The following PKHD1L1 variants were observed in gnomAD, a reference collection of about 807,000 sequenced individuals.
PKHD1L1 encodes the protein fibrocystin-L.
A neutral mutation model predicts 462.9 loss-of-function variants in PKHD1L1; 434 were observed. The ratio of observed to expected loss-of-function variants is 0.94; its 90% CI spans 0.87 to 1.02. The LOEUF is 1.02. PKHD1L1 is among the 50% of genes least tolerant of loss of function. The pLI is 0.00. For synonymous variants in PKHD1L1, 1,781 were observed against 1,750.0 expected (o/e 1.02, Z -0.44); for missense variants, 5,202 against 5,096.1 (o/e 1.02, Z -0.63).
intron 2 of PKHD1L1, among the ~76,000 whole-genome samples, chr8:109,372,466 T>A (rs1006286492): frequency 6.6e-6 from 1 of 152,226 alleles, no homozygotes; most frequent in Non-Finnish European, 1.5e-5. Flanking sequence ...ACAATTTGAC[T>A]TCCTCTTTTC....
intron 17 of PKHD1L1, among the ~76,000 whole-genome samples, chr8:109,407,620 T>C (rs1813626928): frequency 6.6e-6 from 1 of 152,166 alleles, no homozygotes; most frequent in South Asian, 2.1e-4. Flanking sequence ...AGAGATTGTT[T>C]CCTGGAATTC....
rs538289649 is a variant in PKHD1L1 at position 109,516,595 on chromosome 8, G to A, written c.11689+1290G>A. 1.2e-3 allele frequency among the ~76,000 whole-genome samples: 181 copies of A among 152,164 alleles called. 2 individuals carry two copies. The highest frequency in any genetic ancestry group is 8.8e-5 in the Non-Finnish European group (6 of 67,994). ...GTCCATAGCAGTCTCAAGCTGGTAT[G>A]GTGCACAGCAAGAACTCAAAAACAG... On this transcript the variant is annotated intron_variant, in intron 72 of 77. Coordinates refer to ENST00000378402, the MANE Select transcript of PKHD1L1 (RefSeq NM_177531.6).
At position 109,438,436 on chromosome 8, in the gene PKHD1L1, C is replaced by T. The variant is rs1452963742; in HGVS notation, c.3740C>T (p.Pro1247Leu). 1 of 1,540,076 alleles carries T rather than the reference C, an allele frequency of 6.5e-7. No homozygotes were observed. The highest frequency in any genetic ancestry group is 2.0e-5 in the Admixed American group (1 of 49,698). The change falls in exon 31 of 78, where the codon CCA (proline) becomes CTA (leucine). Residue 1247 changes from proline to leucine, a missense_variant. Pro to Leu is a moderately conservative substitution (Grantham distance 98). Coordinates refer to ENST00000378402, the MANE Select transcript of PKHD1L1 (RefSeq NM_177531.6). ...ACACCAATTATAACTGATTTTAGTC[C>T]AAAAGTACGAACAATACTAGGTAAG... ...LQTPIITDFS[P>L]KVRTILGEVN...
intron 50 of PKHD1L1, among the ~76,000 whole-genome samples, chr8:109,469,286 T>C (rs1420701781): frequency 1.3e-5 from 2 of 152,106 alleles, no homozygotes; most frequent in Non-Finnish European, 2.9e-5. Context: ...TTACCATTAC[T>C]GGCCCTGAAA....
intron 67 of PKHD1L1, among the ~76,000 whole-genome samples, chr8:109,500,737 T>C (rs1027476545): frequency 6.6e-6 from 1 of 150,430 alleles, no homozygotes; most frequent in Non-Finnish European, 1.5e-5. Flanking sequence ...CCATGACTTC[T>C]GTACTTGCCA....
At position 109,370,832 on chromosome 8, in the gene PKHD1L1, A is replaced by G. The variant is rs556351500; in HGVS notation, c.163+6196A>G. 4.3e-3 allele frequency among the ~76,000 whole-genome samples: 658 copies of G among 152,348 alleles called. 5 individuals are homozygous for G. Among genetic ancestry groups the G allele is most frequent in the African/African-American group, 0.015 (624 of 41,586 alleles). ...CTTCATCCATGTCCCCACAAAGGAC[A>G]TGAACTCATCAATTTTTATGGCTGC... On this transcript the variant is annotated intron_variant, in intron 2 of 77. Transcript: ENST00000378402.
chr8:109,401,375 G>C (rs1479286056), intron 13 of PKHD1L1, 122 bp from the exon 14 acceptor site: 20 of 628,632 alleles, frequency 3.2e-5, no homozygotes. Flanking sequence ...ATATAAAGTA[G>C]TTTTACATTT....
At chr8:109,496,798 G>A in intron 63 of PKHD1L1, 121 bp from the exon 64 acceptor site, 9 of 1,036,724 alleles carry the variant, frequency 8.7e-6, no homozygotes, top group Non-Finnish European at 9.8e-6. Flanking sequence ...TATTAAACCT[G>A]ATATCAGAAT....
At chr8:109,500,520 CAAAAAAAA>C (rs542817713) in intron 67 of PKHD1L1, among the ~76,000 whole-genome samples, 7 of 43,702 alleles carry the variant, frequency 1.6e-4, no homozygotes, top group Non-Finnish European at 3.0e-4. Flanking sequence ...ACTAAAAATA[CAAAAAAAA>C]AAAAAAAAAA....
intron 2 of PKHD1L1, among the ~76,000 whole-genome samples, chr8:109,373,689 A>T (rs1336286839): frequency 6.6e-6 from 1 of 152,092 alleles, no homozygotes; most frequent in Non-Finnish European, 1.5e-5. Context: ...TGTCCCAGAG[A>T]TTCTGGTATG....
At position 109,382,475 on chromosome 8, in the gene PKHD1L1, A is replaced by G; in HGVS notation, c.321A>G (p.Glu107=). ...QITCYTRAMP[E]DSYTVRVSVD... ...ATTTTCTTTATAGAGCAATGCCGGAAGATTCCTACACTGTTAGAGTCAGTG... is the reference window on the plus strand; with the variant it reads ...ATTTTCTTTATAGAGCAATGCCGGAGGATTCCTACACTGTTAGAGTCAGTG... The change falls in exon 4 of 78, where the codon GAA becomes GAG. Residue 107 remains glutamate, a synonymous_variant. Transcript: ENST00000378402. 1.2e-6 allele frequency: 2 copies of G among 1,605,076 alleles called. No homozygotes were observed. The highest frequency in any genetic ancestry group is 1.7e-4 in the Middle Eastern group (1 of 6,032).
intron 47 of PKHD1L1, among the ~76,000 whole-genome samples, chr8:109,460,069 G>T (rs115422864): frequency 1.4e-3 from 212 of 152,110 alleles, no homozygotes; most frequent in African/African-American, 4.9e-3. Flanking sequence ...TGAATATATT[G>T]AAGAAAAGTG....
Position 109,381,410 on chromosome 8 carries a change from C to T in PKHD1L1, c.204C>T (p.Asn68=), listed in dbSNP as rs778581993. 30 of 1,581,840 alleles carry T rather than the reference C, an allele frequency of 1.9e-5. No individual in the cohort carries two copies. The highest frequency in any genetic ancestry group is 1.1e-4 in the East Asian group (5 of 43,832). The part of the protein sequence containing the change: ...QANQFNYGVD[N]AELGNSVQLI... ...ACCAGTTTAACTATGGAGTTGATAA[C>T]GCTGAGTTGGGAAACAGTGTGCAAT... The change falls in exon 3 of 78, where the codon AAC becomes AAT. Residue 68 remains asparagine (N), a synonymous_variant. Transcript: ENST00000378402.
intron 62 of PKHD1L1, among the ~76,000 whole-genome samples, chr8:109,492,837 G>T (rs1162430378): frequency 2.6e-5 from 4 of 151,786 alleles, no homozygotes; most frequent in Non-Finnish European, 4.4e-5. Context: ...CCATAGGGAA[G>T]AACGAAATGT....
intron 39 of PKHD1L1, 108 bp downstream of exon 39, chr8:109,448,499 G>T (rs1673406): frequency 0.54 from 641,464 of 1,182,546 alleles, 172,579 homozygotes; most frequent in South Asian, 0.68. Flanking sequence ...AATTTCTAGT[G>T]TTTTTTTTGT....
At chr8:109,492,675 A>G (rs1818892872) in intron 62 of PKHD1L1, among the ~76,000 whole-genome samples, 1 of 151,892 alleles carries the variant, frequency 6.6e-6, no homozygotes, top group African/African-American at 2.4e-5. Flanking sequence ...ATACGTATAG[A>G]ATATCAATTC....
At chr8:109,459,892 A>C (rs1341846173) in intron 47 of PKHD1L1, 56 bp downstream of exon 47, 1 of 1,481,932 alleles carries the variant, frequency 6.7e-7, no homozygotes, top group Non-Finnish European at 9.0e-7. Flanking sequence ...TTTACAATTT[A>C]ATTGGTTTAT....
intron 50 of PKHD1L1, chr8:109,470,419 G>T: frequency 6.3e-7 from 1 of 1,597,368 alleles, no homozygotes; most frequent in Non-Finnish European, 8.6e-7. Context: ...AGAAAAAACT[G>T]ATAAGAAAGG....
intron 9 of PKHD1L1, among the ~76,000 whole-genome samples, chr8:109,392,957 A>T (rs1312204669): frequency 6.6e-6 from 1 of 152,202 alleles, no homozygotes; most frequent in African/African-American, 2.4e-5. Context: ...GTCATTATCA[A>T]TGAATTAGTG....
Sources: gnomAD v4.1 joint callset for allele counts (sites outside exome capture counted in the v4.1 genomes callset) on GRCh38, gnomAD v4.1.1 for gene constraint, MANE v1.5 for transcripts, NCBI Gene and HGNC (gene_info 2026-07-23, HGNC 2026-07-21) for gene names.